Variants in TNKS observed in about 807,000 individuals in gnomAD.
TNKS encodes tankyrase, also known as poly [ADP-ribose] polymerase tankyrase-1.
A neutral mutation model predicts 135.8 loss-of-function variants in TNKS; 72 were observed. The observed-to-expected ratio is 0.53, with a 90% CI of 0.44 to 0.64. The LOEUF (loss-of-function observed/expected upper bound fraction) is 0.64. Ranked by LOEUF, TNKS falls within the 30% of genes least tolerant of loss-of-function variation. The probability of loss-of-function intolerance (pLI) is 0.00; values close to 1 mark genes in which losing one functional copy is unlikely to be tolerated. For synonymous variants in TNKS, 849 were observed against 649.3 expected, an observed-to-expected ratio of 1.31 and a Z score of -4.68; for missense variants, 1,769 against 1,674.0, an observed-to-expected ratio of 1.06 and a Z score of -0.99.
Position 9,779,861 on chromosome 8 carries a change from G to A in TNKS, c.*3125G>A, listed in dbSNP as rs531566285. 1.1e-4 allele frequency: 16 copies of A among 152,190 alleles called. No homozygotes were observed. Among genetic ancestry groups the A allele is most frequent in the African/African-American group, 3.1e-4 (13 of 41,528 alleles). 9.4% of individuals were successfully genotyped at this position (152,190 alleles called of 1,614,324 possible). A position where few individuals can be genotyped will look rare whatever the true frequency, so the allele number is the denominator to read the frequency against. Reference sequence around the variant, plus strand: ...GATTCTTGTTTTCCTTTTCCTTCTTGGAGTTTGGAATTTCTAGCTTTTCAA... The same window carrying A: ...GATTCTTGTTTTCCTTTTCCTTCTTAGAGTTTGGAATTTCTAGCTTTTCAA... On this transcript the variant is annotated 3_prime_UTR_variant, in exon 27 of 27. Coordinates refer to ENST00000310430, the MANE Select transcript of TNKS (RefSeq NM_003747.3).
intron 3 of TNKS, among the ~76,000 whole-genome samples, chr8:9,658,130 G>A (rs1425545678): frequency 9.1e-6 from 1 of 109,940 alleles, no homozygotes; most frequent in Non-Finnish European, 1.9e-5. Flanking sequence ...GATGGCGGCC[G>A]GGCGGAGACG....
intron 3 of TNKS, among the ~76,000 whole-genome samples, chr8:9,678,226 T>C (rs962306399): frequency 1.3e-5 from 2 of 152,178 alleles, no homozygotes; most frequent in Non-Finnish European, 2.9e-5. Context: ...TGATTTACTT[T>C]GATCCTGGTT....
intron 3 of TNKS, among the ~76,000 whole-genome samples, chr8:9,646,826 T>G (rs977397960): frequency 2.6e-5 from 4 of 152,168 alleles, no homozygotes; most frequent in East Asian, 1.9e-4. Flanking sequence ...ATTTTATCCT[T>G]TGGGGTCCTA....
intron 2 of TNKS, among the ~76,000 whole-genome samples, chr8:9,603,687 G>T (rs1799106680): frequency 1.3e-5 from 2 of 152,156 alleles, no homozygotes; most frequent in South Asian, 4.1e-4. Flanking sequence ...TCCTCCAAAG[G>T]ATATTAATTA....
At position 9,761,584 on chromosome 8, in the gene TNKS, G is replaced by T; in HGVS notation, c.3222G>T (p.Gly1074=). ...ELKEIGINAY[G]HRHKLIKGVE... ...AAGAAATAGGCATCAATGCATATGG[G>T]CACCGCCACAAATTAATCAAAGGAG... The change falls in exon 21 of 27, where the codon GGG becomes GGT. Residue 1074 remains glycine, a synonymous_variant. Transcript: ENST00000310430. 6.2e-7 allele frequency: 1 copy of T among 1,607,538 alleles called. No individual in the cohort carries two copies. The highest frequency in any genetic ancestry group is 8.5e-7 in the Non-Finnish European group (1 of 1,178,386).
chr8:9,771,329 GGAGAGAGAGGAAGGGAAGCAGGGAGGGA>G (rs201817961), intron 26 of TNKS, among the ~76,000 whole-genome samples: 9,851 of 126,090 alleles, frequency 0.078, 583 homozygotes, highest in East Asian at 0.16. Flanking sequence ...AAGAAAGGAG[GGAGAGAGAGGAAGGGAAGCAGGGAGGGA>G]GAGAGAGAGG....
intron 2 of TNKS, among the ~76,000 whole-genome samples, chr8:9,600,273 T>C (rs1188701693): frequency 2.0e-5 from 3 of 152,188 alleles, no homozygotes; most frequent in Non-Finnish European, 4.4e-5. Flanking sequence ...GCAGACTTTG[T>C]AGTGAACTTT....
chr8:9,559,630 T>C (rs1797245716), intron 1 of TNKS, among the ~76,000 whole-genome samples: 1 of 152,142 alleles, frequency 6.6e-6, no homozygotes, highest in Non-Finnish European at 1.5e-5. Context: ...TAAGCCCCAG[T>C]GTGTATTCTT....
intron 2 of TNKS, among the ~76,000 whole-genome samples, chr8:9,588,841 G>A (rs901576819): frequency 2.6e-5 from 4 of 152,096 alleles, no homozygotes; most frequent in Non-Finnish European, 4.4e-5. Flanking sequence ...GGTTCTTTTA[G>A]TGACCAGGAA....
At chr8:9,673,091 A>G (rs1802374145) in intron 3 of TNKS, among the ~76,000 whole-genome samples, 1 of 152,136 alleles carries the variant, frequency 6.6e-6, no homozygotes, top group African/African-American at 2.4e-5. Flanking sequence ...ATGTGTATTT[A>G]TTGAGACACC....
intron 20 of TNKS, among the ~76,000 whole-genome samples, 163 bp downstream of exon 20, chr8:9,752,789 C>G (rs1806615393): frequency 6.6e-6 from 1 of 151,224 alleles, no homozygotes; most frequent in East Asian, 1.9e-4. Flanking sequence ...ACCCCCATCT[C>G]TACAAAAAAA....
At chr8:9,651,780 T>C (rs998515652) in intron 3 of TNKS, among the ~76,000 whole-genome samples, 2 of 152,202 alleles carry the variant, frequency 1.3e-5, no homozygotes, top group African/African-American at 4.8e-5. Context: ...CCATATCCTG[T>C]TGGAAATAGT....
At chr8:9,763,903 T>C (rs570641734) in intron 22 of TNKS, among the ~76,000 whole-genome samples, 1 of 152,304 alleles carries the variant, frequency 6.6e-6, no homozygotes, top group South Asian at 2.1e-4. Flanking sequence ...TTTGTTTGTT[T>C]AATTAGTGCT....
In TNKS at chr8:9,754,511, C is replaced by G. The variant is rs148677576; in HGVS notation, c.3153+1885C>G. Among the ~76,000 whole-genome samples, 10 of 152,106 alleles carry G rather than the reference C, an allele frequency of 6.6e-5. No homozygotes were observed. In the East Asian group the frequency reaches 1.7e-3, roughly 26 times the overall value. On this transcript the variant is annotated intron_variant, in intron 20 of 26. Coordinates refer to ENST00000310430, the MANE Select transcript of TNKS (RefSeq NM_003747.3). Reference sequence around the variant, plus strand: ...TGTTAAGATTTTTTTTCTGCTTTCTCTCTTTTTTTTAGCTACATTTTTTCA... The same window carrying G: ...TGTTAAGATTTTTTTTCTGCTTTCTGTCTTTTTTTTAGCTACATTTTTTCA...
At chr8:9,656,611 CTTTTTTTT>C (rs71201960) in intron 3 of TNKS, among the ~76,000 whole-genome samples, 2 of 136,454 alleles carry the variant, frequency 1.5e-5, no homozygotes, top group African/African-American at 5.7e-5. Context: ...AAAGAATTTT[CTTTTTTTT>C]TTTTTTTAAT....
At chr8:9,592,697 G>C (rs1217395293) in intron 2 of TNKS, among the ~76,000 whole-genome samples, 2 of 152,164 alleles carry the variant, frequency 1.3e-5, no homozygotes, top group African/African-American at 4.8e-5. Flanking sequence ...TTCAAGAAAC[G>C]TGTGTGAAGT....
intron 12 of TNKS, chr8:9,722,390 C>CA (rs1347376915): frequency 3.9e-5 from 6 of 152,144 alleles, no homozygotes; most frequent in African/African-American, 1.4e-4. Flanking sequence ...TTATTTTCCT[C>CA]ATGCTAGGTC....
intron 2 of TNKS, among the ~76,000 whole-genome samples, chr8:9,587,910 A>G (rs537629241): frequency 7.9e-5 from 12 of 152,334 alleles, no homozygotes; most frequent in African/African-American, 2.9e-4. Context: ...GAGTAGTAGA[A>G]TGTTTTCAAT....
chr8:9,578,654 C>A (rs945597447), intron 1 of TNKS, among the ~76,000 whole-genome samples: 1 of 152,146 alleles, frequency 6.6e-6, no homozygotes, highest in Non-Finnish European at 1.5e-5. Flanking sequence ...TTTCCCCTTA[C>A]TCTTTTCCAC....
Sources: allele counts gnomAD v4.1 joint callset (sites outside exome capture counted in the v4.1 genomes callset), GRCh38; gene constraint gnomAD v4.1.1; transcripts MANE v1.5; gene names NCBI Gene and HGNC (gene_info 2026-07-23, HGNC 2026-07-21).